The following SYMPK variants were observed in gnomAD, a reference collection of about 807,000 sequenced individuals.
The protein encoded by SYMPK is symplekin.
Under a neutral mutation model 136.4 loss-of-function variants are expected in SYMPK, and 49 were observed. The ratio of observed to expected loss-of-function variants is 0.36; its 90% CI spans 0.29 to 0.46. SYMPK has a LOEUF of 0.46. Among genes scored for constraint, SYMPK ranks in the 20% least tolerant of loss-of-function variants. The probability of loss-of-function intolerance (pLI) is 1.00; values close to 1 mark genes in which losing one functional copy is unlikely to be tolerated. For missense variants in SYMPK, 1,365 were observed against 1,690.0 expected (o/e 0.81, Z 3.37); for synonymous variants, 766 against 713.0 (o/e 1.07, Z -1.19).
At chr19:45,826,434 C>T (rs956889984) in intron 16 of SYMPK, 61 bp from the exon 17 acceptor site, 5 of 1,570,494 alleles carry the variant, frequency 3.2e-6, no homozygotes, top group Non-Finnish European at 4.4e-6. Flanking sequence ...AACAGCTATT[C>T]CTGCGAGCAT....
rs550218101 is a variant in SYMPK at position 45,821,376 on chromosome 19, C to A, written c.2893+8G>T. 3 of 1,610,778 alleles carry A rather than the reference C, an allele frequency of 1.9e-6. No individual in the cohort carries two copies. The highest frequency in any genetic ancestry group is 1.7e-6 in the Non-Finnish European group (2 of 1,177,218). On this transcript the variant is annotated splice_region_variant and intron_variant, in intron 22 of 26. Transcript: ENST00000245934. The surrounding 1 kb of genome is among the most constrained non-coding windows in gnomAD (Gnocchi z 4.4). ...CCAGGCCACTGGAGTGGGGGGGAAG[C>A]GCCTCACCTTTGATGATGGATTTCA...
intron 1 of SYMPK, among the ~76,000 whole-genome samples, chr19:45,857,409 CAAAAAAAAAA>C (rs1161033225): frequency 6.9e-5 from 3 of 43,432 alleles, no homozygotes; most frequent in African/African-American, 9.0e-5. Flanking sequence ...GACTCTGTCT[CAAAAAAAAAA>C]AAAAAAAAAA....
At chr19:45,861,420 T>C (rs1971964479) in intron 1 of SYMPK, among the ~76,000 whole-genome samples, 2 of 152,144 alleles carry the variant, frequency 1.3e-5, no homozygotes, top group African/African-American at 4.8e-5. Flanking sequence ...AACCCATATA[T>C]ACATATTTCC....
rs1446361296 is a variant in SYMPK, at chr19:45,848,967, G to C, written c.300-91C>G. The C allele has an allele frequency of 3.3e-6, 5 of 1,509,406 alleles. No individual in the cohort carries two copies. In the African/African-American group the frequency reaches 4.1e-5, roughly 12 times the overall value. 93.5% of individuals were successfully genotyped at this position (1,509,406 alleles called of 1,614,324 possible). A position where few individuals can be genotyped will look rare whatever the true frequency, so the allele number is the denominator to read the frequency against. ...GGTCCAGGAGGGAAGGGAAATCAGG[G>C]ACCTGTCTCAGGGGACCGGAATGGC... On this transcript the variant is annotated intron_variant, in intron 5 of 26. Coordinates refer to ENST00000245934, the MANE Select transcript of SYMPK (RefSeq NM_004819.3).
chr19:45,840,084 G>A (rs1971399147), intron 9 of SYMPK, among the ~76,000 whole-genome samples: 2 of 152,042 alleles, frequency 1.3e-5, no homozygotes, highest in East Asian at 1.9e-4. Flanking sequence ...CACCTGAGGC[G>A]GGTGGATTAC....
rs1970752372 is a variant in SYMPK, at chr19:45,816,762, TGGGGGGAAAGGGTACCTGGTG to T, written c.3258+15_3258+35del. On this transcript the variant is annotated intron_variant, in intron 24 of 26. Transcript: ENST00000245934. ...GGGGCCGCCCACCGCACACCCTGGG[TGGGGGGAAAGGGTACCTGGTG>T]GGGGGAAGGGGTACCTGGTGGGGGG... 1 of 1,484,944 alleles carries T rather than the reference TGGGGGGAAAGGGTACCTGGTG, an allele frequency of 6.7e-7. No homozygotes were observed. Among genetic ancestry groups the T allele is most frequent in the African/African-American group, 1.4e-5 (1 of 69,972 alleles). 92.0% of individuals were successfully genotyped at this position (1,484,944 alleles called of 1,614,324 possible). A position where few individuals can be genotyped will look rare whatever the true frequency, so the allele number is the denominator to read the frequency against.
Position 45,843,941 on chromosome 19 carries a change from T to A in SYMPK, c.847+89A>T. ...CCTGGTGACAGAGCGAGACTCTGTC[T>A]CAAAAAAAAAAAAAAAAAAAAAAAA... is the stretch of plus-strand genomic sequence containing the variant. On this transcript the variant is annotated intron_variant, in intron 8 of 26. Coordinates refer to ENST00000245934, the MANE Select transcript of SYMPK (RefSeq NM_004819.3). 6.2e-6 allele frequency: 5 copies of A among 809,610 alleles called. No individual in the cohort carries two copies. The South Asian group carries it at 1.5e-4, about 25-fold the overall frequency. 50.2% of individuals were successfully genotyped at this position (809,610 alleles called of 1,614,324 possible).
At chr19:45,848,627 C>A in intron 6 of SYMPK, 123 bp downstream of exon 6, 2 of 1,366,198 alleles carry the variant, frequency 1.5e-6, no homozygotes, top group South Asian at 2.6e-5. Flanking sequence ...TCTGTTCCCA[C>A]AGACCAGTGG....
chr19:45,847,708 C>T (rs1215608028), intron 7 of SYMPK, 44 bp downstream of exon 7: 14 of 1,578,820 alleles, frequency 8.9e-6, no homozygotes, highest in Non-Finnish European at 1.1e-5. Flanking sequence ...GGAGAGGAAA[C>T]TGGTGCAGGG....
intron 16 of SYMPK, among the ~76,000 whole-genome samples, chr19:45,826,938 CCT>C (rs941189460): frequency 1.1e-4 from 16 of 152,332 alleles, no homozygotes; most frequent in African/African-American, 2.6e-4. Flanking sequence ...ACATCTGTCC[CCT>C]CTGTCTAGAG....
Position 45,844,037 on chromosome 19 carries a change from A to T in SYMPK, c.840T>A (p.Thr280=). Residue 280 remains threonine (T), a synonymous_variant, in exon 8 of 27, where the codon ACT becomes ACA. Transcript: ENST00000245934. ...FMSEVIQAYE[T]LHANLPPTLA... ...GGGAGGACAATGACCTACCATGCAGAGTTTCATAGGCCTGGATCACCTCAG... is the reference window on the plus strand; with the variant it reads ...GGGAGGACAATGACCTACCATGCAGTGTTTCATAGGCCTGGATCACCTCAG... The T allele has an allele frequency of 6.5e-7, 1 of 1,543,466 alleles. No individual in the cohort carries two copies. Among genetic ancestry groups the T allele is most frequent in the Non-Finnish European group, 8.8e-7 (1 of 1,139,504 alleles).
At chr19:45,817,813 G>C (rs1359548892) in intron 23 of SYMPK, 146 bp downstream of exon 23, 1 of 828,362 alleles carries the variant, frequency 1.2e-6, no homozygotes, top group African/African-American at 1.7e-5. Flanking sequence ...ACACCCTGGA[G>C]CACTGCTATT....
chr19:45,844,623 C>T (rs1043692612), intron 7 of SYMPK, among the ~76,000 whole-genome samples: 3 of 151,714 alleles, frequency 2.0e-5, no homozygotes, highest in Admixed American at 6.6e-5. Context: ...TGCAGTGAGC[C>T]GAGATCGCGC....
At chr19:45,828,926 G>T (rs980077060) in intron 14 of SYMPK, 44 bp downstream of exon 14, 2 of 1,582,636 alleles carry the variant, frequency 1.3e-6, no homozygotes, top group Admixed American at 3.4e-5. Context: ...CACCAGGAGA[G>T]GAAGCCTCTC....
chr19:45,821,246 G>A lies in SYMPK; in HGVS notation c.2893+138C>T, dbSNP rs768457430. The A allele has an allele frequency of 4.8e-5, 35 of 727,016 alleles. 1 individual carries two copies. The highest frequency in any genetic ancestry group is 4.6e-4 in the South Asian group (32 of 69,184). 45.0% of individuals were successfully genotyped at this position (727,016 alleles called of 1,614,324 possible). A position where few individuals can be genotyped will look rare whatever the true frequency, so the allele number is the denominator to read the frequency against. ...AAGAAAAGGAGGGAGGGAGGGAGGT[G>A]GCTCTCCAGAGCTCTGAGGTGGGGC... is the stretch of plus-strand genomic sequence containing the variant. On this transcript the variant is annotated intron_variant, in intron 22 of 26. Transcript: ENST00000245934. The surrounding 1 kb of genome is among the most constrained non-coding windows in gnomAD (Gnocchi z 4.4).
intron 13 of SYMPK, among the ~76,000 whole-genome samples, chr19:45,829,551 ACTGGAT>A (rs1308365924): frequency 2.0e-5 from 3 of 152,074 alleles, no homozygotes; most frequent in African/African-American, 7.2e-5. Context: ...ACGGAAGAGT[ACTGGAT>A]CTGGATTCCC....
chr19:45,816,786 G>A lies in SYMPK; in HGVS notation c.3258+12C>T, dbSNP rs944413797. 5.1e-5 allele frequency: 77 copies of A among 1,521,210 alleles called. No individual in the cohort carries two copies. The highest frequency in any genetic ancestry group is 6.4e-5 in the Non-Finnish European group (72 of 1,133,670). The allele number at this position is 1,521,210 out of a possible 1,614,324, so 94.2% of individuals were successfully genotyped here. A position where few individuals can be genotyped will look rare whatever the true frequency, so the allele number is the denominator to read the frequency against. ...GTGGGGGGAAAGGGTACCTGGTGGG[G>A]GGAAGGGGTACCTGGTGGGGGGTGA... On this transcript the variant is annotated intron_variant, in intron 24 of 26. Coordinates refer to ENST00000245934, the MANE Select transcript of SYMPK (RefSeq NM_004819.3).
At chr19:45,855,043 A>G (rs1971789207) in intron 1 of SYMPK, 1 of 156,964 alleles carries the variant, frequency 6.4e-6, no homozygotes, top group African/African-American at 2.4e-5. Flanking sequence ...ATGCCCAGCT[A>G]ATTTTTGTAT....
rs1418637523 is a variant in SYMPK, at chr19:45,828,881, AGAG to A, written c.1985+86_1985+88del. The A allele has an allele frequency of 9.2e-6, 12 of 1,311,412 alleles. No individual in the cohort carries two copies. In the African/African-American group the frequency reaches 1.7e-4, roughly 19 times the overall value. The allele number at this position is 1,311,412 out of a possible 1,614,324, so 81.2% of individuals were successfully genotyped here. On this transcript the variant is annotated intron_variant, in intron 14 of 26. Transcript: ENST00000245934. ...GGAGGACTGACTCGGGGGGTGACGA[AGAG>A]GGAGGTGGTCGCAATCAGAAAGGGA...
Sources: allele counts gnomAD v4.1 joint callset (sites outside exome capture counted in the v4.1 genomes callset), GRCh38; gene constraint gnomAD v4.1.1; non-coding constraint Gnocchi (gnomAD v3.1); transcripts MANE v1.5; gene names NCBI Gene and HGNC (gene_info 2026-07-23, HGNC 2026-07-21).